NDST3: variants seen among roughly 807,000 people sequenced by gnomAD.
The protein encoded by NDST3 is N-deacetylase and N-sulfotransferase 3.
NDST3 carries 58 observed loss-of-function variants against 96.1 expected under a neutral mutation model. The observed-to-expected ratio is 0.60, with a 90% CI of 0.49 to 0.75. The LOEUF (loss-of-function observed/expected upper bound fraction) is 0.75, where lower values mean the gene tolerates loss of function less well. Ranked by LOEUF, NDST3 falls within the 30% of genes least tolerant of loss-of-function variation. The probability of loss-of-function intolerance (pLI) is 0.00; values close to 1 mark genes in which losing one functional copy is unlikely to be tolerated. For missense variants in NDST3, 788 were observed against 1,034.2 expected, an observed-to-expected ratio of 0.76 and a Z score of 3.27; for synonymous variants, 333 against 359.7, an observed-to-expected ratio of 0.93 and a Z score of 0.84.
chr4:118,042,900 T>C (rs1724551381), intron 1 of NDST3, among the ~76,000 whole-genome samples: 1 of 152,212 alleles, frequency 6.6e-6, no homozygotes, highest in Non-Finnish European at 1.5e-5. Context: ...CTCTCTCTTC[T>C]GAAACCTGTA....
At chr4:118,235,687 C>A (rs549683353) in intron 9 of NDST3, among the ~76,000 whole-genome samples, 84 of 152,144 alleles carry the variant, frequency 5.5e-4, no homozygotes, top group Non-Finnish European at 9.8e-4. Context: ...CTCCTGGAAC[C>A]AGTGTGAGCT....
At chr4:118,221,494 G>A (rs758176976) in intron 6 of NDST3, among the ~76,000 whole-genome samples, 1 of 151,882 alleles carries the variant, frequency 6.6e-6, no homozygotes, top group South Asian at 2.1e-4. Flanking sequence ...TGTCAACAGC[G>A]TTTGCACCAG....
At chr4:118,104,870 T>C in intron 2 of NDST3, 148 bp from the exon 3 acceptor site, 1 of 582,062 alleles carries the variant, frequency 1.7e-6, no homozygotes, top group Non-Finnish European at 3.0e-6. Flanking sequence ...TCTCTAGTTT[T>C]AAAGTGATAA....
chr4:118,102,450 A>C (rs1258137383), intron 2 of NDST3, among the ~76,000 whole-genome samples: 8 of 152,082 alleles, frequency 5.3e-5, no homozygotes, highest in Admixed American at 5.3e-4. Flanking sequence ...TGGAGCACTG[A>C]CTTAATTTAT....
At chr4:118,102,693 C>G (rs1423945718) in intron 2 of NDST3, among the ~76,000 whole-genome samples, 1 of 151,842 alleles carries the variant, frequency 6.6e-6, no homozygotes, top group Non-Finnish European at 1.5e-5. Context: ...AGGCCAGTAA[C>G]AAATATATTT....
chr4:118,090,791 A>G (rs1487362040), intron 2 of NDST3, among the ~76,000 whole-genome samples: 1 of 151,932 alleles, frequency 6.6e-6, no homozygotes, highest in African/African-American at 2.4e-5. Flanking sequence ...CAGTATTAAA[A>G]GAGGCTTCTT....
At chr4:118,172,316 G>T (rs2125938655) in intron 6 of NDST3, among the ~76,000 whole-genome samples, 1 of 152,268 alleles carries the variant, frequency 6.6e-6, no homozygotes, top group South Asian at 2.1e-4. Flanking sequence ...TTAATGTTAT[G>T]ATTCCACTTC....
intron 1 of NDST3, among the ~76,000 whole-genome samples, chr4:118,044,630 C>A (rs1057393889): frequency 6.6e-6 from 1 of 152,166 alleles, no homozygotes; most frequent in African/African-American, 2.4e-5. Flanking sequence ...TATGTTATCC[C>A]CCTAATCAAG....
At chr4:118,117,730 C>A (rs557262509) in intron 4 of NDST3, among the ~76,000 whole-genome samples, 2 of 152,282 alleles carry the variant, frequency 1.3e-5, no homozygotes, top group South Asian at 2.1e-4. Context: ...ATAATTAAGA[C>A]CAGAAATCTT....
chr4:118,042,621 C>T (rs1724534042), intron 1 of NDST3, among the ~76,000 whole-genome samples: 1 of 152,236 alleles, frequency 6.6e-6, no homozygotes, highest in South Asian at 2.1e-4. Context: ...ATTCATTAAT[C>T]TGCACCACTC....
chr4:118,169,457 C>A (rs1437818130), intron 6 of NDST3, among the ~76,000 whole-genome samples: 2 of 152,064 alleles, frequency 1.3e-5, no homozygotes, highest in East Asian at 3.9e-4. Context: ...AAACATTAAT[C>A]ATTTTACAAT....
chr4:118,167,117 A>G (rs1735604639), intron 6 of NDST3, among the ~76,000 whole-genome samples: 1 of 151,828 alleles, frequency 6.6e-6, no homozygotes. Context: ...TGGAAATGAC[A>G]TGATCTTATA....
chr4:118,127,071 TTTCTTATATATTC>T (rs148822640), intron 4 of NDST3, among the ~76,000 whole-genome samples: 2,437 of 152,064 alleles, frequency 0.016, 23 homozygotes, highest in Middle Eastern at 0.075. Context: ...GTTGTTTGAG[TTTCTTATATATTC>T]TGGTTATTAA....
intron 2 of NDST3, among the ~76,000 whole-genome samples, chr4:118,071,143 G>C (rs1727038483): frequency 6.6e-6 from 1 of 152,090 alleles, no homozygotes; most frequent in African/African-American, 2.4e-5. Context: ...ATTTGGGTTG[G>C]TTCCAAGTCT....
In NDST3 at chr4:118,126,514, G is replaced by GTATATA. The variant is rs776694923; in HGVS notation, c.1225-11525_1225-11520dup. ...ACTATTATACTGTGTGTATGTATGTGTATATATATATATATATATACACAT... is the reference window on the plus strand; with the variant it reads ...ACTATTATACTGTGTGTATGTATGTGTATATATATATATATATATATATATACACAT... On this transcript the variant is annotated intron_variant, in intron 4 of 13. Coordinates refer to ENST00000296499, the MANE Select transcript of NDST3 (RefSeq NM_004784.3). Among the ~76,000 whole-genome samples the GTATATA allele has an allele frequency of 2.6e-4, 13 of 49,272 alleles. 1 individual carries two copies. The highest frequency in any genetic ancestry group is 5.5e-4 in the African/African-American group (13 of 23,814). 32.3% of individuals were successfully genotyped at this position (49,272 alleles called of 152,430 possible). A position where few individuals can be genotyped will look rare whatever the true frequency, so the allele number is the denominator to read the frequency against.
At chr4:118,069,886 T>C (rs1257205745) in intron 2 of NDST3, among the ~76,000 whole-genome samples, 2 of 152,070 alleles carry the variant, frequency 1.3e-5, no homozygotes, top group African/African-American at 4.8e-5. Context: ...ATTTAACCTT[T>C]ATGTATTTAT....
chr4:118,160,660 A>G (rs1735040990), intron 6 of NDST3, among the ~76,000 whole-genome samples: 1 of 152,100 alleles, frequency 6.6e-6, no homozygotes, highest in Non-Finnish European at 1.5e-5. Flanking sequence ...AGTTGATCGC[A>G]TCGGCTCCTG....
chr4:118,054,160 G>T lies in NDST3; in HGVS notation c.250G>T (p.Val84Leu). 1 of 1,612,990 alleles carries T rather than the reference G, an allele frequency of 6.2e-7. No homozygotes were observed. Among genetic ancestry groups the T allele is most frequent in the Non-Finnish European group, 8.5e-7 (1 of 1,179,384 alleles). ...GACAGACCCCACAGTCCTAGTATTTGTAGAGAGCCAGTACTCATCTCTTGG... is the reference window on the plus strand; with the variant it reads ...GACAGACCCCACAGTCCTAGTATTTTTAGAGAGCCAGTACTCATCTCTTGG... ...SRTDPTVLVF[V>L]ESQYSSLGQD... The change falls in exon 2 of 14, where the codon GTA becomes TTA. Residue 84 changes from valine to leucine, a missense_variant. By Grantham distance (32) the Val-to-Leu change is conservative (BLOSUM62 1). Transcript: ENST00000296499.
chr4:118,153,856 TG>T (rs1734565978), intron 6 of NDST3, among the ~76,000 whole-genome samples: 1 of 152,018 alleles, frequency 6.6e-6, no homozygotes, highest in African/African-American at 2.4e-5. Context: ...TTTAATGACG[TG>T]AAATATTCAT....
Sources: allele counts gnomAD v4.1 joint callset (sites outside exome capture counted in the v4.1 genomes callset), GRCh38; gene constraint gnomAD v4.1.1; transcripts MANE v1.5; gene names NCBI Gene and HGNC (gene_info 2026-07-23, HGNC 2026-07-21).